The following COG7 variants were observed in gnomAD, a reference collection of about 807,000 sequenced individuals.
COG7 encodes the protein component of oligomeric golgi complex 7, also known as conserved oligomeric Golgi complex subunit 7.
A neutral mutation model predicts 91.5 loss-of-function variants in COG7; 49 were observed. That is an observed-to-expected ratio of 0.54 (90% CI 0.43 to 0.68). The LOEUF is 0.68. Ranked by LOEUF, COG7 falls within the 30% of genes least tolerant of loss-of-function variation. The pLI, the probability that COG7 is intolerant of heterozygous loss-of-function variation, is 0.00. For synonymous variants in COG7, 365 were observed against 388.7 expected, an observed-to-expected ratio of 0.94 and a Z score of 0.72; for missense variants, 895 against 961.3, an observed-to-expected ratio of 0.93 and a Z score of 0.91.
At chr16:23,405,950 G>A (rs1050093530) in intron 12 of COG7, 126 bp downstream of exon 12, 8 of 822,546 alleles carry the variant, frequency 9.7e-6, no homozygotes, top group Admixed American at 3.5e-5. Context: ...GAGACAGAGA[G>A]GTAGTAGCAG....
At chr16:23,405,979 G>T in intron 12 of COG7, 97 bp downstream of exon 12, 1 of 1,078,342 alleles carries the variant, frequency 9.3e-7, no homozygotes, top group Non-Finnish European at 1.4e-6. Context: ...ACAGCCCAGG[G>T]CCACACACAG....
At chr16:23,399,116 T>A (rs1963333543) in intron 13 of COG7, among the ~76,000 whole-genome samples, 1 of 152,102 alleles carries the variant, frequency 6.6e-6, no homozygotes, top group African/African-American at 2.4e-5. Context: ...GGTTGCCTGA[T>A]CCTTTAAGTA....
At chr16:23,403,669 T>G (rs759610136) in intron 13 of COG7, 25 bp downstream of exon 13, 1 of 1,613,656 alleles carries the variant, frequency 6.2e-7, no homozygotes. Context: ...CCGGGAAAAA[T>G]TGATGTGGTC....
Position 23,388,747 on chromosome 16 carries a change from G to C in COG7, c.*173C>G. On this transcript the variant is annotated 3_prime_UTR_variant, in exon 17 of 17. Coordinates refer to ENST00000307149, the MANE Select transcript of COG7 (RefSeq NM_153603.4). ...GAACTCCTGGCTTCATGATCCATCTGGCTTGGCCTCCCAAAGTGCTGGGAT... is the reference window on the plus strand; with the variant it reads ...GAACTCCTGGCTTCATGATCCATCTCGCTTGGCCTCCCAAAGTGCTGGGAT... The C allele has an allele frequency of 8.5e-7, 1 of 1,176,270 alleles. No homozygotes were observed. Among genetic ancestry groups the C allele is most frequent in the Non-Finnish European group, 1.2e-6 (1 of 869,418 alleles). The allele number at this position is 1,176,270 out of a possible 1,614,324, so 72.9% of individuals were successfully genotyped here.
chr16:23,418,133 T>A (rs1388838964), intron 8 of COG7, among the ~76,000 whole-genome samples: 1 of 152,220 alleles, frequency 6.6e-6, no homozygotes, highest in African/African-American at 2.4e-5. Context: ...AAGAAATTAG[T>A]AAACCAGGGA....
intron 16 of COG7, among the ~76,000 whole-genome samples, chr16:23,391,229 AG>A (rs1963190614): frequency 6.6e-6 from 1 of 152,194 alleles, no homozygotes; most frequent in African/African-American, 2.4e-5. Context: ...ATGAATCTGC[AG>A]GGGGAGCTTA....
chr16:23,424,779 C>A lies in COG7; in HGVS notation c.979G>T (p.Gly327Cys). The change falls in exon 7 of 17, where the codon GGC becomes TGC. Residue 327 changes from glycine to cysteine, a missense_variant. By Grantham distance (159) the Gly-to-Cys change is radical (BLOSUM62 -3). Coordinates refer to ENST00000307149, the MANE Select transcript of COG7 (RefSeq NM_153603.4). ...FYDATAHFAK[G>C]LEMALLPHLH... ...TGGGGGAGCAGTGCCATCTCCAAGC[C>A]CTTGGCGAAGTGGGCGGTGGCGTCG... 1 of 1,614,200 alleles carries A rather than the reference C, an allele frequency of 6.2e-7. No homozygotes were observed. The highest frequency in any genetic ancestry group is 8.5e-7 in the Non-Finnish European group (1 of 1,180,036).
chr16:23,400,665 A>T (rs182110311), intron 13 of COG7, among the ~76,000 whole-genome samples: 61 of 152,246 alleles, frequency 4.0e-4, no homozygotes, highest in African/African-American at 1.4e-3. Flanking sequence ...TTGAAATAGG[A>T]GGGTGCTTAA....
chr16:23,439,481 AATAG>A (rs1189926507), intron 4 of COG7, among the ~76,000 whole-genome samples: 1 of 152,230 alleles, frequency 6.6e-6, no homozygotes, highest in East Asian at 1.9e-4. Context: ...TCAACAGATG[AATAG>A]ATAGAGAAAA....
intron 1 of COG7, among the ~76,000 whole-genome samples, chr16:23,450,876 C>T (rs1440240527): frequency 1.3e-5 from 2 of 151,788 alleles, no homozygotes; most frequent in African/African-American, 4.8e-5. Flanking sequence ...GAAATAGAGC[C>T]CCCTCCCTAC....
rs577084216 is a variant in COG7 at position 23,452,453 on chromosome 16, G to A, written c.169+373C>T. Among the ~76,000 whole-genome samples, 4 of 152,164 alleles carry A rather than the reference G, an allele frequency of 2.6e-5. No individual in the cohort carries two copies. In the South Asian group the frequency reaches 6.2e-4, roughly 24 times the overall value. On this transcript the variant is annotated intron_variant, in intron 1 of 16. Coordinates refer to ENST00000307149, the MANE Select transcript of COG7 (RefSeq NM_153603.4). ...TGGGGCGCGGTGGCTCGCGCCTGTA[G>A]TCCTAGCGACTCGAGAGGCGAGAGG... is the stretch of plus-strand genomic sequence containing the variant.
intron 7 of COG7, among the ~76,000 whole-genome samples, chr16:23,422,199 C>A (rs1465102306): frequency 6.6e-6 from 1 of 151,968 alleles, no homozygotes; most frequent in Non-Finnish European, 1.5e-5. Context: ...GTGGTCTCAA[C>A]TACTCAGGAG....
At chr16:23,417,941 A>G (rs943824600) in intron 8 of COG7, among the ~76,000 whole-genome samples, 1 of 152,156 alleles carries the variant, frequency 6.6e-6, no homozygotes, top group Non-Finnish European at 1.5e-5. Flanking sequence ...CTGAAATATC[A>G]ATGTACCTCA....
At chr16:23,431,056 A>G (rs932963502) in intron 6 of COG7, among the ~76,000 whole-genome samples, 16 of 152,118 alleles carry the variant, frequency 1.1e-4, no homozygotes, top group Non-Finnish European at 2.1e-4. Flanking sequence ...TTTAAAAAAT[A>G]AGATGGATTA....
intron 1 of COG7, 114 bp downstream of exon 1, chr16:23,452,712 G>A (rs1160255536): frequency 1.8e-5 from 26 of 1,483,884 alleles, no homozygotes; most frequent in Non-Finnish European, 1.8e-5. Context: ...TTTTGCCGAG[G>A]GTATTTGCTG....
chr16:23,406,663 C>T (rs909025899), intron 11 of COG7, among the ~76,000 whole-genome samples: 2 of 152,188 alleles, frequency 1.3e-5, no homozygotes, highest in Middle Eastern at 3.2e-3. Context: ...ATCAGAGAGA[C>T]CGCTGGGCAG....
intron 3 of COG7, among the ~76,000 whole-genome samples, chr16:23,443,888 A>G (rs1190038909): frequency 6.6e-6 from 1 of 151,304 alleles, no homozygotes; most frequent in Non-Finnish European, 1.5e-5. Flanking sequence ...ATGGTGACTC[A>G]CGCCTGTAAT....
At chr16:23,435,821 C>T (rs1404419617) in intron 4 of COG7, among the ~76,000 whole-genome samples, 2 of 152,232 alleles carry the variant, frequency 1.3e-5, no homozygotes, top group Non-Finnish European at 2.9e-5. Context: ...CGCTGGAGAC[C>T]TGCCAGTGGA....
At chr16:23,400,365 G>A (rs1963354130) in intron 13 of COG7, among the ~76,000 whole-genome samples, 1 of 152,198 alleles carries the variant, frequency 6.6e-6, no homozygotes. Context: ...GCAATCCTTG[G>A]TGGTTTGTCG....
Sources: allele counts gnomAD v4.1 joint callset (sites outside exome capture counted in the v4.1 genomes callset), GRCh38; gene constraint gnomAD v4.1.1; transcripts MANE v1.5; gene names NCBI Gene and HGNC (gene_info 2026-07-23, HGNC 2026-07-21).